ANKS1B: variants seen among roughly 807,000 people sequenced by gnomAD.
The protein encoded by ANKS1B is ankyrin repeat and sterile alpha motif domain-containing protein 1B.
ANKS1B carries 36 observed loss-of-function variants against 148.3 expected under a neutral mutation model. The ratio of observed to expected loss-of-function variants is 0.24; its 90% CI spans 0.19 to 0.32. The LOEUF is 0.32. Ranked by LOEUF, ANKS1B falls within the 10% of genes least tolerant of loss-of-function variation. The pLI, the probability that ANKS1B is intolerant of heterozygous loss-of-function variation, is 1.00. For missense variants in ANKS1B, 1,157 were observed against 1,542.6 expected, an observed-to-expected ratio of 0.75 and a Z score of 4.19; for synonymous variants, 542 against 560.8, an observed-to-expected ratio of 0.97 and a Z score of 0.47.
At chr12:99,721,976 A>T (rs1159046380) in intron 8 of ANKS1B, among the ~76,000 whole-genome samples, 1 of 152,244 alleles carries the variant, frequency 6.6e-6, no homozygotes, top group Non-Finnish European at 1.5e-5. Flanking sequence ...AACCAGCCAC[A>T]ACATTTACTT....
intron 1 of ANKS1B, among the ~76,000 whole-genome samples, chr12:99,828,721 G>T (rs1455475085): frequency 6.6e-6 from 1 of 152,012 alleles, no homozygotes; most frequent in Non-Finnish European, 1.5e-5. Context: ...AAATAAAGCT[G>T]ATAAGGCCAG....
At chr12:99,914,989 G>C (rs2094126076) in intron 1 of ANKS1B, among the ~76,000 whole-genome samples, 2 of 152,122 alleles carry the variant, frequency 1.3e-5, no homozygotes, top group Admixed American at 6.5e-5. Context: ...ACTTTGGTAG[G>C]CTGAGGCGGG....
At chr12:99,166,600 A>C (rs1167941094) in intron 14 of ANKS1B, among the ~76,000 whole-genome samples, 1 of 152,044 alleles carries the variant, frequency 6.6e-6, no homozygotes, top group Non-Finnish European at 1.5e-5. Flanking sequence ...ATTGCTGGGA[A>C]AAATCATACA....
At chr12:99,876,600 C>T (rs1358915902) in intron 1 of ANKS1B, among the ~76,000 whole-genome samples, 3 of 151,652 alleles carry the variant, frequency 2.0e-5, no homozygotes, top group Non-Finnish European at 2.9e-5. Context: ...GGAGTGGTGG[C>T]GTGCCTGTAG....
intron 2 of ANKS1B, among the ~76,000 whole-genome samples, chr12:99,822,873 CCA>C (rs2082679400): frequency 6.6e-6 from 1 of 152,154 alleles, no homozygotes. Flanking sequence ...AAACTGCTTT[CCA>C]CAGAGACTGA....
At chr12:99,592,799 C>T (rs2097716382) in intron 9 of ANKS1B, among the ~76,000 whole-genome samples, 3 of 152,012 alleles carry the variant, frequency 2.0e-5, no homozygotes, top group Admixed American at 2.0e-4. Flanking sequence ...CAGGGAACAG[C>T]CTAGTTTTAT....
chr12:99,882,539 G>A (rs1009256758), intron 1 of ANKS1B, among the ~76,000 whole-genome samples: 2 of 152,168 alleles, frequency 1.3e-5, no homozygotes. Context: ...TACTTACAGG[G>A]AAGCAATGAT....
At chr12:99,468,328 T>C (rs1183214505) in intron 10 of ANKS1B, among the ~76,000 whole-genome samples, 1 of 152,114 alleles carries the variant, frequency 6.6e-6, no homozygotes, top group Non-Finnish European at 1.5e-5. Context: ...CCTAAAACCA[T>C]AAAAACCCTA....
At position 99,404,341 on chromosome 12, in the gene ANKS1B, A is replaced by T. The variant is rs192858875; in HGVS notation, c.1576-4530T>A. 2.1e-4 allele frequency among the ~76,000 whole-genome samples: 30 copies of T among 146,292 alleles called. No homozygotes were observed. The East Asian group carries it at 5.2e-3, about 25-fold the overall frequency. ...AAAATAGAAGTTACATAAAAAATTT[A>T]AAAAAAGAAATGAGAACAAAGAAGC... On this transcript the variant is annotated intron_variant, in intron 11 of 26. Coordinates refer to ENST00000683438, the MANE Select transcript of ANKS1B (RefSeq NM_001352186.2).
At chr12:99,881,627 G>T (rs2092500465) in intron 1 of ANKS1B, among the ~76,000 whole-genome samples, 1 of 152,142 alleles carries the variant, frequency 6.6e-6, no homozygotes, top group African/African-American at 2.4e-5. Context: ...ACCTAACAAA[G>T]ACTTGAGAAA....
At chr12:99,693,467 G>A (rs568260633) in intron 8 of ANKS1B, among the ~76,000 whole-genome samples, 3 of 152,292 alleles carry the variant, frequency 2.0e-5, no homozygotes, top group African/African-American at 4.8e-5. Context: ...GACAGCTGGG[G>A]TCAAGAGATT....
chr12:99,484,395 C>T (rs1311015592), intron 10 of ANKS1B, among the ~76,000 whole-genome samples: 1 of 151,858 alleles, frequency 6.6e-6, no homozygotes, highest in Non-Finnish European at 1.5e-5. Flanking sequence ...TTTATTGAGG[C>T]TTCTTTTCTG....
chr12:99,876,156 C>T (rs771029078), intron 1 of ANKS1B, among the ~76,000 whole-genome samples: 10 of 152,088 alleles, frequency 6.6e-5, no homozygotes, highest in Non-Finnish European at 1.0e-4. Flanking sequence ...TCAACTTTTA[C>T]GTGATATTTA....
chr12:99,659,981 G>C (rs1040592628), intron 8 of ANKS1B, among the ~76,000 whole-genome samples: 3 of 152,158 alleles, frequency 2.0e-5, no homozygotes, highest in African/African-American at 7.2e-5. Context: ...CAGGCCAAAA[G>C]GCAGAATCCA....
intron 17 of ANKS1B, among the ~76,000 whole-genome samples, chr12:98,943,969 G>A (rs1005557432): frequency 8.5e-5 from 13 of 152,200 alleles, no homozygotes; most frequent in Admixed American, 3.9e-4. Flanking sequence ...TGATGAATGA[G>A]TTCTCAGTCT....
At chr12:99,319,673 T>C (rs1566884016) in intron 12 of ANKS1B, among the ~76,000 whole-genome samples, 1 of 152,222 alleles carries the variant, frequency 6.6e-6, no homozygotes, top group Non-Finnish European at 1.5e-5. Context: ...TTAGCCCATT[T>C]ACATTTAAAG....
chr12:99,470,889 T>C (rs1281179226), intron 10 of ANKS1B, among the ~76,000 whole-genome samples: 5 of 152,154 alleles, frequency 3.3e-5, no homozygotes, highest in Non-Finnish European at 7.4e-5. Context: ...ATATTCATCT[T>C]ACTATATTAT....
intron 12 of ANKS1B, among the ~76,000 whole-genome samples, chr12:99,339,706 A>G (rs1157635754): frequency 1.3e-5 from 2 of 152,128 alleles, no homozygotes; most frequent in Admixed American, 6.5e-5. Flanking sequence ...TGCATTACTC[A>G]GTTTTAGATT....
chr12:99,242,847 A>G (rs2089608891), intron 14 of ANKS1B, among the ~76,000 whole-genome samples: 1 of 152,238 alleles, frequency 6.6e-6, no homozygotes, highest in Admixed American at 6.5e-5. Flanking sequence ...CATATGTAGA[A>G]AGCTGAAACT....
Sources: allele counts gnomAD v4.1 joint callset (sites outside exome capture counted in the v4.1 genomes callset), GRCh38; gene constraint gnomAD v4.1.1; transcripts MANE v1.5; gene names NCBI Gene and HGNC (gene_info 2026-07-23, HGNC 2026-07-21).